The following NCOA1 variants were observed in gnomAD, a reference collection of about 807,000 sequenced individuals.
NCOA1 encodes the protein nuclear receptor coactivator 1.
Under a neutral mutation model 150.9 loss-of-function variants are expected in NCOA1, and 35 were observed. The ratio of observed to expected loss-of-function variants is 0.23; its 90% CI spans 0.18 to 0.31. NCOA1 has a LOEUF of 0.31. Ranked by LOEUF, NCOA1 falls within the 10% of genes least tolerant of loss-of-function variation. The pLI, the probability that NCOA1 is intolerant of heterozygous loss-of-function variation, is 1.00. For synonymous variants in NCOA1, 590 were observed against 630.0 expected, an observed-to-expected ratio of 0.94 and a Z score of 0.95; for missense variants, 1,491 against 1,749.3, an observed-to-expected ratio of 0.85 and a Z score of 2.63.
intron 7 of NCOA1, among the ~76,000 whole-genome samples, chr2:24,680,709 G>T (rs761412041): frequency 1.3e-5 from 2 of 152,154 alleles, no homozygotes; most frequent in African/African-American, 2.4e-5. Context: ...AAATTGCAAA[G>T]AGAGAGCTTT....
intron 7 of NCOA1, 149 bp from the exon 8 acceptor site, chr2:24,682,802 T>A: frequency 2.1e-6 from 1 of 469,196 alleles, no homozygotes; most frequent in South Asian, 2.7e-5. Flanking sequence ...TATGTTTATG[T>A]CTCTCTCTCC....
chr2:24,523,359 C>A (rs1270497016), intron 1 of NCOA1, among the ~76,000 whole-genome samples: 1 of 152,062 alleles, frequency 6.6e-6, no homozygotes, highest in African/African-American at 2.4e-5. Flanking sequence ...GTAATCCCAG[C>A]ACTTTGGGAG....
At chr2:24,677,538 C>G (rs1671974375) in intron 7 of NCOA1, among the ~76,000 whole-genome samples, 1 of 152,092 alleles carries the variant, frequency 6.6e-6, no homozygotes, top group Non-Finnish European at 1.5e-5. Context: ...ATTCTTGTGC[C>G]TCAGCCTCCC....
intron 11 of NCOA1, among the ~76,000 whole-genome samples, chr2:24,698,732 A>T (rs1366232339): frequency 2.0e-5 from 3 of 152,326 alleles, no homozygotes; most frequent in Admixed American, 1.3e-4. Context: ...AAAACAATTT[A>T]AAAATATGTT....
intron 3 of NCOA1, among the ~76,000 whole-genome samples, chr2:24,585,560 T>G (rs1667367831): frequency 6.6e-6 from 1 of 152,126 alleles, no homozygotes; most frequent in African/African-American, 2.4e-5. Context: ...AAGTTACAGA[T>G]TTTTGACTTC....
At chr2:24,650,527 A>C (rs1259349386) in intron 4 of NCOA1, among the ~76,000 whole-genome samples, 1 of 152,190 alleles carries the variant, frequency 6.6e-6, no homozygotes, top group African/African-American at 2.4e-5. Context: ...CATATATCTG[A>C]TAGGGGTCTA....
At chr2:24,714,722 C>T (rs1204813191) in intron 14 of NCOA1, among the ~76,000 whole-genome samples, 1 of 151,886 alleles carries the variant, frequency 6.6e-6, no homozygotes, top group Non-Finnish European at 1.5e-5. Flanking sequence ...GTCTAGTATA[C>T]ACATAATATA....
intron 14 of NCOA1, among the ~76,000 whole-genome samples, chr2:24,715,184 T>C (rs1321349286): frequency 6.6e-6 from 1 of 152,094 alleles, no homozygotes; most frequent in Non-Finnish European, 1.5e-5. Context: ...TGAATCCAGA[T>C]GGAAACTCTA....
chr2:24,594,573 G>A (rs1303095233), intron 3 of NCOA1, among the ~76,000 whole-genome samples: 2 of 152,080 alleles, frequency 1.3e-5, no homozygotes, highest in Non-Finnish European at 2.9e-5. Flanking sequence ...TACAAGAGCA[G>A]ATATTAGCAT....
intron 17 of NCOA1, among the ~76,000 whole-genome samples, chr2:24,738,215 T>G (rs1663424707): frequency 6.6e-6 from 1 of 151,834 alleles, no homozygotes; most frequent in African/African-American, 2.4e-5. Context: ...TGTTCATAGC[T>G]CTTTGGATTC....
At chr2:24,586,269 C>G (rs1185178862) in intron 3 of NCOA1, among the ~76,000 whole-genome samples, 3 of 99,572 alleles carry the variant, frequency 3.0e-5, no homozygotes, top group Non-Finnish European at 5.7e-5. Flanking sequence ...GAGCAAGACT[C>G]GGTCTCAAAA....
At chr2:24,724,478 C>G (rs1202858579) in intron 14 of NCOA1, among the ~76,000 whole-genome samples, 1 of 152,122 alleles carries the variant, frequency 6.6e-6, no homozygotes, top group African/African-American at 2.4e-5. Flanking sequence ...AAACCAACTT[C>G]TTTTAAGCAT....
At chr2:24,666,339 A>G (rs748385822) in intron 6 of NCOA1, among the ~76,000 whole-genome samples, 19 of 152,118 alleles carry the variant, frequency 1.2e-4, no homozygotes, top group Non-Finnish European at 2.8e-4. Context: ...AAAAAATTAT[A>G]TTGAACATTA....
chr2:24,642,868 A>G (rs1228537170), intron 3 of NCOA1, among the ~76,000 whole-genome samples: 1 of 152,216 alleles, frequency 6.6e-6, no homozygotes, highest in Non-Finnish European at 1.5e-5. Flanking sequence ...GCCAACTTGA[A>G]AAGATTCCAT....
intron 8 of NCOA1, 87 bp downstream of exon 8, chr2:24,683,215 A>G (rs916970689): frequency 6.5e-6 from 5 of 767,552 alleles, no homozygotes; most frequent in African/African-American, 1.8e-5. Flanking sequence ...TATTATATTT[A>G]TAATACACAG....
In NCOA1 at chr2:24,693,352, T is replaced by A; in HGVS notation, c.808+5T>A. The A allele has an allele frequency of 1.2e-6, 2 of 1,609,624 alleles. No individual in the cohort carries two copies. Among genetic ancestry groups the A allele is most frequent in the Non-Finnish European group, 1.7e-6 (2 of 1,175,846 alleles). ...TGACCAAGCAAGATACTACAGGTACTAATTGTAAAGTTCAGAATGTTCCAT... is the reference window on the plus strand; with the variant it reads ...TGACCAAGCAAGATACTACAGGTACAAATTGTAAAGTTCAGAATGTTCCAT... On this transcript the variant is annotated splice_donor_5th_base_variant and intron_variant, in intron 10 of 22. Transcript: ENST00000348332.
At chr2:24,668,735 A>G (rs1478216891) in intron 6 of NCOA1, among the ~76,000 whole-genome samples, 1 of 152,110 alleles carries the variant, frequency 6.6e-6, no homozygotes, top group Admixed American at 6.6e-5. Context: ...GTTGTGCAGC[A>G]ACCTAGAAAA....
chr2:24,767,192 T>C (rs1665109130), intron 22 of NCOA1, among the ~76,000 whole-genome samples: 1 of 152,196 alleles, frequency 6.6e-6, no homozygotes, highest in Admixed American at 6.5e-5. Flanking sequence ...GAAAAGTTTT[T>C]TAAAAAGCTG....
intron 3 of NCOA1, among the ~76,000 whole-genome samples, chr2:24,602,457 T>G (rs1314560657): frequency 1.3e-5 from 2 of 152,168 alleles, no homozygotes; most frequent in Non-Finnish European, 2.9e-5. Flanking sequence ...TACCTCAGCC[T>G]GCCTAAGTGC....
Sources: allele counts gnomAD v4.1 joint callset (sites outside exome capture counted in the v4.1 genomes callset), GRCh38; gene constraint gnomAD v4.1.1; transcripts MANE v1.5; gene names NCBI Gene and HGNC (gene_info 2026-07-23, HGNC 2026-07-21).